THBS2: variants seen among roughly 807,000 people sequenced by gnomAD.
The protein encoded by THBS2 is thrombospondin 2.
THBS2 carries 47 observed loss-of-function variants against 135.2 expected under a neutral mutation model. The ratio of observed to expected loss-of-function variants is 0.35; its 90% CI spans 0.28 to 0.44. The LOEUF (loss-of-function observed/expected upper bound fraction) is 0.44, where lower values mean the gene tolerates loss of function less well. Ranked by LOEUF, THBS2 falls within the 20% of genes least tolerant of loss-of-function variation. The probability of loss-of-function intolerance (pLI) is 1.00; values close to 1 mark genes in which losing one functional copy is unlikely to be tolerated. For synonymous variants in THBS2, 639 were observed against 633.8 expected (o/e 1.01, Z -0.12); for missense variants, 1,288 against 1,603.1 (o/e 0.80, Z 3.36).
intron 21 of THBS2, among the ~76,000 whole-genome samples, chr6:169,218,684 G>GATGA (rs1290218287): frequency 6.9e-6 from 1 of 145,338 alleles, no homozygotes; most frequent in Non-Finnish European, 1.5e-5. Context: ...TGAGTAGATG[G>GATGA]ATGGATGGGA....
rs1195887091 is a variant in THBS2 at position 169,226,270 on chromosome 6, G to C, written c.2448C>G (p.Pro816=). Residue 816 remains proline, a synonymous_variant, in exon 16 of 22, where the codon CCC becomes CCG. Coordinates refer to ENST00000617924, the MANE Select transcript of THBS2 (RefSeq NM_003247.5). ...DDVFNERDNC[P]YVYNTDQRDT... ...CCCTCTGGTCAGTGTTGTAGACGTA[G>C]GGACAATTGTCTCGTTCATTGAAGA... 6.2e-7 allele frequency: 1 copy of C among 1,614,080 alleles called. No individual in the cohort carries two copies.
At position 169,232,135 on chromosome 6, in the gene THBS2, T is replaced by C. The variant is rs1779860341; in HGVS notation, c.1996A>G (p.Ile666Val). 6.2e-7 allele frequency: 1 copy of C among 1,614,128 alleles called. No homozygotes were observed. Reference sequence around the variant, plus strand: ...GGGTCGCTGAAGTGGCCCAGGTAGATGCACTCCGCGTGCTTGTGGCAGTTG... The same window carrying C: ...GGGTCGCTGAAGTGGCCCAGGTAGACGCACTCCGCGTGCTTGTGGCAGTTG... ...THNCHKHAEC[I>V]YLGHFSDPMY... Residue 666 changes from isoleucine to valine, a missense_variant, in exon 13 of 22, where the codon ATC (isoleucine) becomes GTC (valine). This residue lies in a region of THBS2 where 874 missense variants were observed against 1,156.1 expected (regional missense o/e 0.76). Transcript: ENST00000617924.
chr6:169,237,152 C>A lies in THBS2; in HGVS notation c.1477+18G>T, dbSNP rs200678681. The A allele has an allele frequency of 1.3e-6, 2 of 1,590,682 alleles. No individual in the cohort carries two copies. The highest frequency in any genetic ancestry group is 1.7e-6 in the Non-Finnish European group (2 of 1,172,544). The stretch of plus-strand genomic sequence containing the variant: ...CTGCAAGCCCGCCCACCCAGGGCCC[C>A]GCCTTCACCGTACTTACTTGGGCAT... On this transcript the variant is annotated intron_variant, in intron 9 of 21. Coordinates refer to ENST00000617924, the MANE Select transcript of THBS2 (RefSeq NM_003247.5).
rs1446544314 is a variant in THBS2 at position 169,241,236 on chromosome 6, C to G, written c.891+526G>C. 6.6e-6 allele frequency among the ~76,000 whole-genome samples: 1 copy of G among 152,188 alleles called. No homozygotes were observed. Among genetic ancestry groups the G allele is most frequent in the Non-Finnish European group, 1.5e-5 (1 of 68,030 alleles). On this transcript the variant is annotated intron_variant, in intron 5 of 21. Coordinates refer to ENST00000617924, the MANE Select transcript of THBS2 (RefSeq NM_003247.5). This position sits in a 1 kb window ranked among gnomAD's most constrained non-coding sequence, Gnocchi z 5.5. ...ATTATGTTCAGTCCCTTTCTCTAAA[C>G]TGCGAGCTGCCCGTCCTGAGCCCCG...
At chr6:169,219,838 T>TTTCCTTCCTTCCTTCCTTCTTTCCTTCC (rs56279312) in intron 21 of THBS2, 1 of 532,674 alleles carries the variant, frequency 1.9e-6, no homozygotes, top group Non-Finnish European at 3.7e-6. Context: ...TCCTTCCTTC[T>TTTCCTTCCTTCCTTCCTTCTTTCCTTCC]TTCCTTCCTG....
intron 3 of THBS2, 22 bp from the exon 4 acceptor site, chr6:169,246,303 A>G: frequency 6.3e-7 from 1 of 1,586,556 alleles, no homozygotes; most frequent in Non-Finnish European, 8.7e-7. Flanking sequence ...CACAAGCAGA[A>G]AAATAGAGCA....
chr6:169,222,759 A>G (rs551229346), intron 18 of THBS2, among the ~76,000 whole-genome samples: 81 of 150,674 alleles, frequency 5.4e-4, no homozygotes, highest in Non-Finnish European at 1.0e-3. Flanking sequence ...GTACCACTAT[A>G]CTCCAGCCTG....
chr6:169,231,733 G>GGGCCGAC (rs1779840754), intron 13 of THBS2, among the ~76,000 whole-genome samples: 1 of 152,192 alleles, frequency 6.6e-6, no homozygotes, highest in Admixed American at 6.5e-5. Flanking sequence ...TTGCAAATAT[G>GGGCCGAC]GGCCGACGTG....
intron 10 of THBS2, among the ~76,000 whole-genome samples, chr6:169,233,838 C>T (rs1324363601): frequency 5.3e-5 from 8 of 150,794 alleles, no homozygotes; most frequent in Non-Finnish European, 5.9e-5. Flanking sequence ...CCTTCCACAA[C>T]ACACAACTGC....
intron 2 of THBS2, among the ~76,000 whole-genome samples, chr6:169,249,728 A>G (rs142299342): frequency 2.2e-3 from 336 of 152,316 alleles, no homozygotes; most frequent in African/African-American, 7.8e-3. Flanking sequence ...CACGAAAATC[A>G]TAATAGTTTA....
intron 3 of THBS2, among the ~76,000 whole-genome samples, chr6:169,247,762 G>A (rs920091053): frequency 6.6e-6 from 1 of 151,998 alleles, no homozygotes; most frequent in Non-Finnish European, 1.5e-5. Context: ...GTATGTGTGT[G>A]GTGTGTGTGC....
Position 169,237,292 on chromosome 6 carries a change from G to C in THBS2, c.1355C>G (p.Thr452Ser), listed in dbSNP as rs1239336831. Reference protein sequence around the residue: ...HWSPWSSCSVTCGVGNITRIR... With the variant: ...HWSPWSSCSVSCGVGNITRIR... The stretch of plus-strand genomic sequence containing the variant: ...GCGTGTGATATTGCCAACTCCACAG[G>C]TCACAGAGCATGAAGACCAAGGTGA... The change falls in exon 9 of 22, where the codon ACC becomes AGC. Residue 452 changes from threonine (T) to serine (S), a missense_variant. Thr to Ser is a moderately conservative substitution (Grantham distance 58). Around this residue, in one of 2 missense-constraint regions of THBS2, gnomAD observed 874 missense variants for 1,156.1 expected, o/e 0.76. Transcript: ENST00000617924. 1.2e-6 allele frequency: 2 copies of C among 1,613,492 alleles called. No homozygotes were observed. The highest frequency in any genetic ancestry group is 1.3e-5 in the African/African-American group (1 of 75,070).
chr6:169,250,452 A>G (rs758057881), intron 2 of THBS2, among the ~76,000 whole-genome samples: 35 of 152,228 alleles, frequency 2.3e-4, no homozygotes, highest in Admixed American at 7.2e-4. Context: ...TTCAACAAAC[A>G]CCAAATACTT....
intron 21 of THBS2, among the ~76,000 whole-genome samples, chr6:169,218,639 G>A (rs570426975): frequency 5.2e-5 from 5 of 96,066 alleles, no homozygotes; most frequent in Admixed American, 1.9e-4. Context: ...GGATGAGATG[G>A]ATGGTTGGGT....
intron 15 of THBS2, among the ~76,000 whole-genome samples, 156 bp downstream of exon 15, chr6:169,227,966 A>C (rs541451382): frequency 6.6e-6 from 1 of 152,274 alleles, no homozygotes; most frequent in Non-Finnish European, 1.5e-5. Flanking sequence ...CTGTGATCCC[A>C]GCTACTCAGG....
chr6:169,243,933 C>A (rs1419267623), intron 4 of THBS2, among the ~76,000 whole-genome samples: 1 of 152,178 alleles, frequency 6.6e-6, no homozygotes, highest in Non-Finnish European at 1.5e-5. Flanking sequence ...TACCAAGAAC[C>A]AATCCATGAA....
At chr6:169,240,388 G>A in intron 6 of THBS2, 64 bp downstream of exon 6, 2 of 1,588,038 alleles carry the variant, frequency 1.3e-6, no homozygotes, top group South Asian at 1.1e-5. Context: ...TTTCCAGGCA[G>A]TCAGGTTCTG....
chr6:169,226,801 A>T lies in THBS2; in HGVS notation c.2420-503T>A, dbSNP rs182701058. 2.3e-3 allele frequency among the ~76,000 whole-genome samples: 344 copies of T among 152,352 alleles called. 1 individual carries two copies. The highest frequency in any genetic ancestry group is 3.7e-3 in the Non-Finnish European group (252 of 68,034). On this transcript the variant is annotated intron_variant, in intron 15 of 21. Transcript: ENST00000617924. Reference sequence around the variant, plus strand: ...TTACAAAAATATAAACTAGCACTGAACTAAACAATACCATCAGTGACAGTG... The same window carrying T: ...TTACAAAAATATAAACTAGCACTGATCTAAACAATACCATCAGTGACAGTG...
chr6:169,232,238 C>G, intron 12 of THBS2, 40 bp from the exon 13 acceptor site: 1 of 1,606,228 alleles, frequency 6.2e-7, no homozygotes, highest in Non-Finnish European at 8.5e-7. Flanking sequence ...ACAGGCAGGA[C>G]GATGGCTCCG....
Sources: gnomAD v4.1 joint callset for allele counts (sites outside exome capture counted in the v4.1 genomes callset) on GRCh38, gnomAD v4.1.1 for gene constraint, gnomAD v4.1.1 regional missense constraint, Gnocchi (gnomAD v3.1) non-coding constraint, MANE v1.5 for transcripts, NCBI Gene and HGNC (gene_info 2026-07-23, HGNC 2026-07-21) for gene names.